Variants in HLF observed in about 807,000 individuals in gnomAD.
HLF encodes HLF transcription factor, PAR bZIP family member.
HLF carries 3 observed loss-of-function variants against 22.6 expected under a neutral mutation model. The ratio of observed to expected loss-of-function variants is 0.13; its 90% CI spans 0.06 to 0.34. HLF has a LOEUF of 0.34. HLF is among the 10% of genes least tolerant of loss of function. The pLI is 1.00. For missense variants in HLF, 299 were observed against 389.2 expected (o/e 0.77, Z 1.95); for synonymous variants, 151 against 151.8 (o/e 0.99, Z 0.04).
chr17:55,272,875 ATAG>A (rs2080870926), intron 2 of HLF: 1 of 152,296 alleles, frequency 6.6e-6, no homozygotes, highest in Non-Finnish European at 1.5e-5. Context: ...GCCATGACTG[ATAG>A]TAGCTGTGCC....
chr17:55,307,659 C>A (rs1172223528), intron 2 of HLF, among the ~76,000 whole-genome samples: 1 of 152,014 alleles, frequency 6.6e-6, no homozygotes, highest in East Asian at 1.9e-4. Flanking sequence ...GGTGTTATGT[C>A]CAGCTGCTCA....
intron 2 of HLF, among the ~76,000 whole-genome samples, chr17:55,283,181 T>A (rs772219216): frequency 6.6e-6 from 1 of 152,096 alleles, no homozygotes; most frequent in Non-Finnish European, 1.5e-5. Context: ...CTGCTGGCTC[T>A]TTTGATGGCA....
chr17:55,273,827 A>G (rs772599106), intron 2 of HLF, among the ~76,000 whole-genome samples: 63 of 151,444 alleles, frequency 4.2e-4, no homozygotes, highest in Non-Finnish European at 7.7e-4. Context: ...CCAGCAAGCA[A>G]TTGTAATCCT....
rs552513609 is a variant in HLF at position 55,294,276 on chromosome 17, T to A, written c.452-20951T>A. Among the ~76,000 whole-genome samples, 6 of 152,342 alleles carry A rather than the reference T, an allele frequency of 3.9e-5. No individual in the cohort carries two copies. The South Asian group carries it at 1.2e-3, about 32-fold the overall frequency. The stretch of plus-strand genomic sequence containing the variant: ...AGGGAGACGCATATGGTCAAGAGAA[T>A]GTGTCTTTCACGAATAGATTTTCTC... On this transcript the variant is annotated intron_variant, in intron 2 of 3. Coordinates refer to ENST00000226067, the MANE Select transcript of HLF (RefSeq NM_002126.5).
rs745656628 is a variant in HLF, at chr17:55,315,245, A to T, written c.470A>T (p.Asn157Ile). ...PIRPGQLLPA[N>I]RNTPSPIDPD... Reference sequence around the variant, plus strand: ...GTTCCAGGTCAGCTGTTGCCAGCAAACCGCAATACACCAAGTCCCATTGAT... The same window carrying T: ...GTTCCAGGTCAGCTGTTGCCAGCAATCCGCAATACACCAAGTCCCATTGAT... Residue 157 changes from asparagine (N) to isoleucine (I), a missense_variant, in exon 3 of 4, where the codon AAC becomes ATC. Around this residue, in one of 3 missense-constraint regions of HLF, gnomAD observed 224 missense variants for 298.1 expected, o/e 0.75. Coordinates refer to ENST00000226067, the MANE Select transcript of HLF (RefSeq NM_002126.5). The T allele has an allele frequency of 2.5e-6, 4 of 1,614,034 alleles. No individual in the cohort carries two copies. In the Admixed American group the frequency reaches 6.7e-5, roughly 27 times the overall value.
At chr17:55,313,139 G>T (rs1357574605) in intron 2 of HLF, among the ~76,000 whole-genome samples, 1 of 152,168 alleles carries the variant, frequency 6.6e-6, no homozygotes, top group African/African-American at 2.4e-5. Context: ...AAAACCTAGA[G>T]AGAAAGAATG....
At position 55,313,354 on chromosome 17, in the gene HLF, G is replaced by T. The variant is rs543112258; in HGVS notation, c.452-1873G>T. Among the ~76,000 whole-genome samples, 112 of 128,394 alleles carry T rather than the reference G, an allele frequency of 8.7e-4. 1 individual carries two copies. The highest frequency in any genetic ancestry group is 2.7e-3 in the African/African-American group (95 of 35,554). The allele number at this position is 128,394 out of a possible 152,430, so 84.2% of individuals were successfully genotyped here. Reference sequence around the variant, plus strand: ...CATGTGGTATGGTAGAGGAGGAGGTGTGTGCGTGTGTGTGTGTGTGTGTGT... The same window carrying T: ...CATGTGGTATGGTAGAGGAGGAGGTTTGTGCGTGTGTGTGTGTGTGTGTGT... On this transcript the variant is annotated intron_variant, in intron 2 of 3. Coordinates refer to ENST00000226067, the MANE Select transcript of HLF (RefSeq NM_002126.5).
chr17:55,293,255 T>TA (rs78383399), intron 2 of HLF, among the ~76,000 whole-genome samples: 66,389 of 152,016 alleles, frequency 0.44, 15,132 homozygotes, highest in East Asian at 0.75. Context: ...TACATTTTTT[T>TA]AATTAAGATT....
intron 3 of HLF, among the ~76,000 whole-genome samples, chr17:55,316,611 G>A (rs1905074108): frequency 6.6e-6 from 1 of 152,176 alleles, no homozygotes; most frequent in South Asian, 2.1e-4. Flanking sequence ...TTGCAGTTGA[G>A]GAAATGCAGA....
At chr17:55,270,770 C>T (rs1324873456) in intron 2 of HLF, among the ~76,000 whole-genome samples, 3 of 151,604 alleles carry the variant, frequency 2.0e-5, no homozygotes, top group Non-Finnish European at 4.4e-5. Flanking sequence ...ACGCCATTCT[C>T]CTGTCTCAGC....
At chr17:55,282,274 C>T (rs2080961670) in intron 2 of HLF, among the ~76,000 whole-genome samples, 1 of 152,172 alleles carries the variant, frequency 6.6e-6, no homozygotes, top group Admixed American at 6.5e-5. Context: ...TTTTGAGTTG[C>T]TGGACTGGGT....
intron 2 of HLF, among the ~76,000 whole-genome samples, chr17:55,295,847 C>T (rs1037827510): frequency 6.6e-6 from 1 of 152,112 alleles, no homozygotes; most frequent in East Asian, 1.9e-4. Context: ...AGGGAAATAG[C>T]GTGGAGGAGG....
intron 2 of HLF, among the ~76,000 whole-genome samples, chr17:55,303,733 G>C (rs1184908310): frequency 1.3e-5 from 2 of 152,134 alleles, no homozygotes; most frequent in Non-Finnish European, 2.9e-5. Flanking sequence ...CCTTGGGCAT[G>C]CACGGTTATC....
chr17:55,284,823 A>G (rs930643248), intron 2 of HLF, among the ~76,000 whole-genome samples: 5 of 152,198 alleles, frequency 3.3e-5, no homozygotes, highest in African/African-American at 1.2e-4. Context: ...CACAGGGCAC[A>G]GTGAATTTGA....
intron 2 of HLF, among the ~76,000 whole-genome samples, chr17:55,286,909 C>T (rs1310879242): frequency 6.6e-6 from 1 of 152,154 alleles, no homozygotes; most frequent in Non-Finnish European, 1.5e-5. Flanking sequence ...CCCAAAATCT[C>T]AGGGACTGGG....
At position 55,321,318 on chromosome 17, in the gene HLF, A is replaced by G; in HGVS notation, c.*439A>G. 4.0e-6 allele frequency: 1 copy of G among 250,638 alleles called. No individual in the cohort carries two copies. The highest frequency in any genetic ancestry group is 2.2e-5 in the African/African-American group (1 of 45,878). 15.5% of individuals were successfully genotyped at this position (250,638 alleles called of 1,614,324 possible). A position where few individuals can be genotyped will look rare whatever the true frequency, so the allele number is the denominator to read the frequency against. ...GGTAAAATAGTGGATCTCAGTTTTT[A>G]AGAGTACAAGCTCTTGTTTCTGTTT... On this transcript the variant is annotated 3_prime_UTR_variant, in exon 4 of 4. Transcript: ENST00000226067.
chr17:55,314,656 G>A (rs141077520), intron 2 of HLF, among the ~76,000 whole-genome samples: 29 of 152,330 alleles, frequency 1.9e-4, no homozygotes, highest in African/African-American at 2.6e-4. Context: ...GCAAACCTCT[G>A]TCTTGTCTTG....
rs1463121922 is a variant in HLF, at chr17:55,265,003, G to C, written c.-482G>C. 6.3e-6 allele frequency: 1 copy of C among 158,272 alleles called. No homozygotes were observed. The highest frequency in any genetic ancestry group is 2.5e-5 in the African/African-American group (1 of 40,190). 9.8% of individuals were successfully genotyped at this position (158,272 alleles called of 1,614,324 possible). A position where few individuals can be genotyped will look rare whatever the true frequency, so the allele number is the denominator to read the frequency against. ...GCACATGGGCGGCCGGATGCGCTGAGCCCGGCGCTGCGGGGCCGCGGAGCG... is the reference window on the plus strand; with the variant it reads ...GCACATGGGCGGCCGGATGCGCTGACCCCGGCGCTGCGGGGCCGCGGAGCG... On this transcript the variant is annotated 5_prime_UTR_variant, in exon 1 of 4. Transcript: ENST00000226067.
chr17:55,274,899 T>G (rs1490345212), intron 2 of HLF, among the ~76,000 whole-genome samples: 1 of 152,356 alleles, frequency 6.6e-6, no homozygotes, highest in East Asian at 1.9e-4. Flanking sequence ...AGAAAGAGTC[T>G]TGATACTTTT....
Sources: allele counts gnomAD v4.1 joint callset (sites outside exome capture counted in the v4.1 genomes callset), GRCh38; gene constraint gnomAD v4.1.1; regional missense constraint gnomAD v4.1.1; transcripts MANE v1.5; gene names NCBI Gene and HGNC (gene_info 2026-07-23, HGNC 2026-07-21).